The following PPP2R3A variants were observed in gnomAD, a reference collection of about 807,000 sequenced individuals.
PPP2R3A encodes protein phosphatase 2 regulatory subunit B''alpha, also known as serine/threonine-protein phosphatase 2A regulatory subunit B'' subunit alpha.
A neutral mutation model predicts 106.9 loss-of-function variants in PPP2R3A; 80 were observed. That is an observed-to-expected ratio of 0.75 (90% CI 0.62 to 0.90). The LOEUF is 0.90. Among genes scored for constraint, PPP2R3A ranks in the 40% least tolerant of loss-of-function variants. The pLI, the probability that PPP2R3A is intolerant of heterozygous loss-of-function variation, is 0.00. For missense variants in PPP2R3A, 1,386 were observed against 1,350.4 expected, an observed-to-expected ratio of 1.03 and a Z score of -0.41; for synonymous variants, 483 against 468.3, an observed-to-expected ratio of 1.03 and a Z score of -0.41.
At chr3:136,046,866 A>C (rs758770604) in intron 4 of PPP2R3A, among the ~76,000 whole-genome samples, 23 of 152,216 alleles carry the variant, frequency 1.5e-4, no homozygotes, top group Non-Finnish European at 3.2e-4. Context: ...ATGATCCAAG[A>C]GTTGAAAGAT....
intron 5 of PPP2R3A, among the ~76,000 whole-genome samples, chr3:136,056,867 A>C (rs1028823874): frequency 6.6e-6 from 1 of 152,196 alleles, no homozygotes; most frequent in Non-Finnish European, 1.5e-5. Context: ...AAGGAACTCA[A>C]AACAACTCAA....
intron 1 of PPP2R3A, among the ~76,000 whole-genome samples, chr3:135,989,187 C>G (rs1487980716): frequency 4.6e-5 from 7 of 152,172 alleles, no homozygotes; most frequent in Non-Finnish European, 1.0e-4. Context: ...GGAACTTTGA[C>G]AAGCACAGTT....
intron 1 of PPP2R3A, among the ~76,000 whole-genome samples, chr3:135,983,534 C>T (rs200391003): frequency 6.6e-6 from 1 of 152,138 alleles, no homozygotes; most frequent in Admixed American, 6.5e-5. Context: ...TGCATTTTTG[C>T]TTTTCTATTT....
At chr3:136,126,264 C>T (rs1055266218) in intron 13 of PPP2R3A, among the ~76,000 whole-genome samples, 1 of 152,260 alleles carries the variant, frequency 6.6e-6, no homozygotes, top group South Asian at 2.1e-4. Flanking sequence ...GACACTCACA[C>T]CTAAATACTG....
At chr3:136,084,271 T>G (rs1198675321) in intron 8 of PPP2R3A, among the ~76,000 whole-genome samples, 1 of 152,202 alleles carries the variant, frequency 6.6e-6, no homozygotes, top group Non-Finnish European at 1.5e-5. Context: ...CAGCCATGGC[T>G]TAAAGGGGCC....
intron 3 of PPP2R3A, among the ~76,000 whole-genome samples, chr3:136,032,518 AT>A (rs1489957524): frequency 4.9e-5 from 7 of 142,218 alleles, no homozygotes; most frequent in South Asian, 4.5e-4. Flanking sequence ...TAATTAATTA[AT>A]TTATTTATTT....
chr3:136,040,535 G>A (rs557892679), intron 3 of PPP2R3A, among the ~76,000 whole-genome samples: 12 of 152,244 alleles, frequency 7.9e-5, no homozygotes, highest in East Asian at 7.7e-4. Context: ...GCATGACTCC[G>A]TCTCAAAAAA....
chr3:136,026,155 G>T (rs1472607928), intron 2 of PPP2R3A, among the ~76,000 whole-genome samples: 1 of 152,158 alleles, frequency 6.6e-6, no homozygotes, highest in Non-Finnish European at 1.5e-5. Context: ...TGGTTGTGAT[G>T]AAATTAATGA....
intron 13 of PPP2R3A, among the ~76,000 whole-genome samples, chr3:136,126,602 A>T (rs1938191279): frequency 6.6e-6 from 1 of 152,240 alleles, no homozygotes; most frequent in Admixed American, 6.5e-5. Flanking sequence ...CTGCAGACTT[A>T]AACGTCCCTG....
At chr3:136,055,828 A>G (rs1935842146) in intron 5 of PPP2R3A, 2 of 527,872 alleles carry the variant, frequency 3.8e-6, no homozygotes. Flanking sequence ...AAACAAATCT[A>G]TGCAGAATTG....
chr3:136,003,109 T>C lies in PPP2R3A; in HGVS notation c.1611T>C (p.Ser537=). 2 of 1,610,872 alleles carry C rather than the reference T, an allele frequency of 1.2e-6. No individual in the cohort carries two copies. The highest frequency in any genetic ancestry group is 1.7e-6 in the Non-Finnish European group (2 of 1,179,196). The change falls in exon 2 of 14, where the codon TCT becomes TCC. Residue 537 remains serine, a synonymous_variant. Transcript: ENST00000264977. The part of the protein sequence containing the change: ...LREPLAKGKN[S]NFLNSHSQLT... ...AGCCACTTGCGAAGGGTAAAAACTCTAATTTTTTAAATAGTCACAGTCAGT... is the reference window on the plus strand; with the variant it reads ...AGCCACTTGCGAAGGGTAAAAACTCCAATTTTTTAAATAGTCACAGTCAGT...
chr3:135,969,000 T>G (rs1937167586), intron 1 of PPP2R3A, among the ~76,000 whole-genome samples: 1 of 152,194 alleles, frequency 6.6e-6, no homozygotes, highest in African/African-American at 2.4e-5. Flanking sequence ...CCGTAAACAG[T>G]GCTACGAATA....
At chr3:135,985,840 G>T (rs1455599546) in intron 1 of PPP2R3A, among the ~76,000 whole-genome samples, 1 of 152,184 alleles carries the variant, frequency 6.6e-6, no homozygotes, top group Non-Finnish European at 1.5e-5. Flanking sequence ...TATTTGTTTG[G>T]ATGCTAAAAT....
intron 13 of PPP2R3A, among the ~76,000 whole-genome samples, chr3:136,129,675 G>A (rs1318309339): frequency 1.3e-5 from 2 of 152,152 alleles, no homozygotes; most frequent in East Asian, 3.8e-4. Flanking sequence ...TATGAGGCCA[G>A]CATCATCCTG....
intron 13 of PPP2R3A, among the ~76,000 whole-genome samples, chr3:136,144,317 G>T (rs904298285): frequency 1.3e-5 from 2 of 152,198 alleles, no homozygotes; most frequent in Non-Finnish European, 2.9e-5. Flanking sequence ...ATCTTTTTGT[G>T]TTGCTTGGAA....
intron 5 of PPP2R3A, among the ~76,000 whole-genome samples, chr3:136,063,338 A>G (rs1200027309): frequency 2.6e-5 from 4 of 152,206 alleles, no homozygotes; most frequent in African/African-American, 7.2e-5. Context: ...AACCTAGGCA[A>G]TACCATTCAG....
chr3:136,080,285 C>T (rs934603079), intron 7 of PPP2R3A, among the ~76,000 whole-genome samples: 1 of 152,116 alleles, frequency 6.6e-6, no homozygotes, highest in Admixed American at 6.5e-5. Context: ...CTATTGATGT[C>T]CAAATCGTTT....
At chr3:136,112,799 C>G (rs1409845612) in intron 13 of PPP2R3A, among the ~76,000 whole-genome samples, 1 of 152,098 alleles carries the variant, frequency 6.6e-6, no homozygotes, top group African/African-American at 2.4e-5. Flanking sequence ...TATCATACTA[C>G]CAACATCATT....
In PPP2R3A at chr3:136,132,129, G is replaced by A. The variant is rs186481486; in HGVS notation, c.3330-12914G>A. On this transcript the variant is annotated intron_variant, in intron 13 of 13. Coordinates refer to ENST00000264977, the MANE Select transcript of PPP2R3A (RefSeq NM_002718.5). The stretch of plus-strand genomic sequence containing the variant: ...GTATACCTATGTATCAAATCTGCAC[G>A]TTGTGCACATGTACCCTAGAACTTT... 6.3e-4 allele frequency among the ~76,000 whole-genome samples: 96 copies of A among 151,984 alleles called. No homozygotes were observed. In the South Asian group the frequency reaches 0.014, roughly 22 times the overall value.
Sources: allele counts gnomAD v4.1 joint callset (sites outside exome capture counted in the v4.1 genomes callset), GRCh38; gene constraint gnomAD v4.1.1; transcripts MANE v1.5; gene names NCBI Gene and HGNC (gene_info 2026-07-23, HGNC 2026-07-21).